Variants in MLPH observed in about 807,000 individuals in gnomAD.
The protein encoded by MLPH is melanophilin.
In MLPH, 51 loss-of-function variants were observed where a neutral mutation model predicts 72.1. The ratio of observed to expected loss-of-function variants is 0.71; its 90% confidence interval spans 0.56 to 0.89. The LOEUF (loss-of-function observed/expected upper bound fraction) is 0.89, where lower values mean the gene tolerates loss of function less well. Among genes scored for constraint, MLPH ranks in the 40% least tolerant of loss-of-function variants. MLPH has a pLI of 0.00. For synonymous variants in MLPH, 301 were observed against 310.1 expected, an observed-to-expected ratio of 0.97 and a Z score of 0.31; for missense variants, 743 against 759.9, an observed-to-expected ratio of 0.98 and a Z score of 0.26.
At chr2:237,514,864 G>A (rs779013290) in intron 4 of MLPH, among the ~76,000 whole-genome samples, 5 of 152,166 alleles carry the variant, frequency 3.3e-5, no homozygotes, top group South Asian at 2.1e-4. Context: ...GCAGGCAGCC[G>A]GTCCCCTTGA....
At chr2:237,494,588 A>AG (rs2079497876) in intron 2 of MLPH, among the ~76,000 whole-genome samples, 1 of 152,004 alleles carries the variant, frequency 6.6e-6, no homozygotes, top group Non-Finnish European at 1.5e-5. Flanking sequence ...GCTTGACCAG[A>AG]GATCAGATGG....
At chr2:237,500,696 C>T (rs1229112153) in intron 2 of MLPH, among the ~76,000 whole-genome samples, 1 of 152,060 alleles carries the variant, frequency 6.6e-6, no homozygotes, top group East Asian at 1.9e-4. Flanking sequence ...CCTCCAAGCA[C>T]CCCATCCCCA....
chr2:237,546,342 G>A, intron 12 of MLPH: 1 of 502,656 alleles, frequency 2.0e-6, no homozygotes, highest in South Asian at 2.1e-5. Context: ...CCTTTAGCTT[G>A]GTGATTGTGG....
At chr2:237,509,757 C>T (rs2079850416) in intron 2 of MLPH, among the ~76,000 whole-genome samples, 1 of 152,046 alleles carries the variant, frequency 6.6e-6, no homozygotes, top group Non-Finnish European at 1.5e-5. Context: ...CCGGAGGTGG[C>T]CTCCCCCTGC....
Position 237,512,446 on chromosome 2 carries a change from A to G in MLPH, c.445+1345A>G, listed in dbSNP as rs1313863158. 1.3e-5 allele frequency among the ~76,000 whole-genome samples: 2 copies of G among 152,184 alleles called. No individual in the cohort carries two copies. Among genetic ancestry groups the G allele is most frequent in the Non-Finnish European group, 2.9e-5 (2 of 68,044 alleles). On this transcript the variant is annotated intron_variant, in intron 4 of 15. Coordinates refer to ENST00000264605, the MANE Select transcript of MLPH (RefSeq NM_024101.7). The surrounding 1 kb of genome is among the most constrained non-coding windows in gnomAD (Gnocchi z 5.5). ...TGGTGGGGTGGGGATGGGGGCAGGT[A>G]TGATCAATCATCCAAACCAGGGCAT...
At chr2:237,551,537 G>A (rs997970627) in intron 14 of MLPH, among the ~76,000 whole-genome samples, 4 of 152,198 alleles carry the variant, frequency 2.6e-5, no homozygotes, top group Admixed American at 6.5e-5. Flanking sequence ...GAAGAAGGGC[G>A]GGTGCCTGCA....
intron 4 of MLPH, among the ~76,000 whole-genome samples, chr2:237,513,864 G>T (rs956284789): frequency 6.6e-6 from 1 of 152,150 alleles, no homozygotes; most frequent in African/African-American, 2.4e-5. Flanking sequence ...AACCAGGTCT[G>T]CTCTCTGGCT....
intron 4 of MLPH, 71 bp downstream of exon 4, chr2:237,511,172 G>A: frequency 8.3e-7 from 1 of 1,201,058 alleles, no homozygotes; most frequent in Non-Finnish European, 1.2e-6. Flanking sequence ...GGTTCCTTTG[G>A]AGTGTGCATG....
At position 237,522,426 on chromosome 2, in the gene MLPH, G is replaced by T. The variant is rs1307195086; in HGVS notation, c.675+2397G>T. 4.7e-5 allele frequency among the ~76,000 whole-genome samples: 5 copies of T among 107,060 alleles called. 1 individual carries two copies. The highest frequency in any genetic ancestry group is 2.5e-4 in the Admixed American group (3 of 11,918). The allele number at this position is 107,060 out of a possible 152,430, so 70.2% of individuals were successfully genotyped here. A position where few individuals can be genotyped will look rare whatever the true frequency, so the allele number is the denominator to read the frequency against. On this transcript the variant is annotated intron_variant, in intron 6 of 15. Coordinates refer to ENST00000264605, the MANE Select transcript of MLPH (RefSeq NM_024101.7). ...AACTATAGTGCTGGAGCGGAGCAGG[G>T]CTGAGACTGGGGTTGGGCCTTCAAA...
rs1250965376 is a variant in MLPH at position 237,510,792 on chromosome 2, C to A, written c.329C>A (p.Ala110Asp). ...TGGATCTGTGACCCCTGCCATCTGG[C>A]CAGGTGAGCCCAGGCCTTGAGGTAA... ...QGWICDPCHL[A>D]RVVKIGSLEW... Residue 110 changes from alanine to aspartate, a missense_variant, in exon 3 of 16, where the codon GCC becomes GAC. Transcript: ENST00000264605. This position sits in a 1 kb window ranked among gnomAD's most constrained non-coding sequence, Gnocchi z 4.4. 1 of 1,613,246 alleles carries A rather than the reference C, an allele frequency of 6.2e-7. No homozygotes were observed. The highest frequency in any genetic ancestry group is 1.7e-5 in the Admixed American group (1 of 60,018).
At chr2:237,549,407 A>C (rs2080987200) in intron 14 of MLPH, 129 bp downstream of exon 14, 9 of 968,160 alleles carry the variant, frequency 9.3e-6, no homozygotes, top group African/African-American at 1.6e-5. Context: ...ACTCCCAAAA[A>C]ACATTCCCAG....
chr2:237,542,107 A>G (rs867858202), intron 11 of MLPH, among the ~76,000 whole-genome samples: 1 of 151,890 alleles, frequency 6.6e-6, no homozygotes, highest in East Asian at 1.9e-4. Flanking sequence ...GTAGGGGGTG[A>G]TGGGGCCTGC....
intron 2 of MLPH, among the ~76,000 whole-genome samples, chr2:237,496,749 G>A (rs376815019): frequency 2.0e-5 from 3 of 152,292 alleles, no homozygotes; most frequent in Admixed American, 1.3e-4. Context: ...GATGTCTTCC[G>A]ATGGGAAGGG....
At chr2:237,529,500 T>G (rs375350312) in intron 8 of MLPH, among the ~76,000 whole-genome samples, 9 of 152,218 alleles carry the variant, frequency 5.9e-5, no homozygotes, top group South Asian at 2.1e-4. Context: ...TAAATGATGA[T>G]TCTGTTGAGT....
rs944820378 is a variant in MLPH, at chr2:237,505,003, G to A, written c.111-5571G>A. On this transcript the variant is annotated intron_variant, in intron 2 of 15. Transcript: ENST00000264605. The surrounding 1 kb of genome is among the most constrained non-coding windows in gnomAD (Gnocchi z 4.5). Reference sequence around the variant, plus strand: ...TCTCCCAGACTCTGCTCACTTACCGGGTCTCTGTTCCTGGCTCAGCTTCTC... The same window carrying A: ...TCTCCCAGACTCTGCTCACTTACCGAGTCTCTGTTCCTGGCTCAGCTTCTC... Among the ~76,000 whole-genome samples the A allele has an allele frequency of 6.6e-6, 1 of 152,116 alleles. No individual in the cohort carries two copies. Among genetic ancestry groups the A allele is most frequent in the South Asian group, 2.1e-4 (1 of 4,820 alleles).
intron 6 of MLPH, among the ~76,000 whole-genome samples, chr2:237,523,575 T>TA (rs2080235534): frequency 6.6e-6 from 1 of 152,192 alleles, no homozygotes; most frequent in Non-Finnish European, 1.5e-5. Flanking sequence ...AAACTATAGC[T>TA]ACAGCATGCA....
At chr2:237,533,390 C>CTTTTTTTTTTTTTTT (rs746139615) in intron 8 of MLPH, among the ~76,000 whole-genome samples, 43 of 107,976 alleles carry the variant, frequency 4.0e-4, no homozygotes, top group African/African-American at 5.6e-4. Context: ...ATTTTCTTTT[C>CTTTTTTTTTTTTTTT]TTTTTTTTTT....
At chr2:237,526,127 C>A (rs1468859674) in intron 7 of MLPH, among the ~76,000 whole-genome samples, 1 of 152,234 alleles carries the variant, frequency 6.6e-6, no homozygotes, top group Non-Finnish European at 1.5e-5. Flanking sequence ...GGCCAACCAT[C>A]CTGGTCTGGG....
intron 12 of MLPH, 23 bp from the exon 13 acceptor site, chr2:237,546,581 CAT>C: frequency 6.2e-7 from 1 of 1,607,870 alleles, no homozygotes; most frequent in South Asian, 1.1e-5. Context: ...TCAACAATAA[CAT>C]AAGTCTCTTC....
Sources: allele counts gnomAD v4.1 joint callset (sites outside exome capture counted in the v4.1 genomes callset), GRCh38; gene constraint gnomAD v4.1.1; non-coding constraint Gnocchi (gnomAD v3.1); transcripts MANE v1.5; gene names NCBI Gene and HGNC (gene_info 2026-07-23, HGNC 2026-07-21).